The following MARCHF1 variants were observed in gnomAD, a reference collection of about 807,000 sequenced individuals.
MARCHF1 encodes the protein membrane associated ring-CH-type finger 1.
Under a neutral mutation model 54.2 loss-of-function variants are expected in MARCHF1, and 40 were observed. That is an observed-to-expected ratio of 0.74 (90% CI 0.57 to 0.96). The LOEUF (loss-of-function observed/expected upper bound fraction) is 0.96, where lower values mean the gene tolerates loss of function less well. MARCHF1 is among the 40% of genes least tolerant of loss of function. The pLI is 0.00. For missense variants in MARCHF1, 586 were observed against 656.5 expected, an observed-to-expected ratio of 0.89 and a Z score of 1.17; for synonymous variants, 236 against 236.3, an observed-to-expected ratio of 1.00 and a Z score of 0.01.
At chr4:164,224,373 A>G (rs1386115034) in intron 1 of MARCHF1, among the ~76,000 whole-genome samples, 5 of 151,870 alleles carry the variant, frequency 3.3e-5, no homozygotes, top group Non-Finnish European at 7.4e-5. Context: ...CTGACATCAA[A>G]ATGGAGTTTT....
chr4:164,174,559 G>C (rs1233900045), intron 1 of MARCHF1, among the ~76,000 whole-genome samples: 1 of 152,152 alleles, frequency 6.6e-6, no homozygotes, highest in African/African-American at 2.4e-5. Context: ...AGTTCAACCT[G>C]ATGGTTGTAT....
chr4:164,298,715 C>T (rs1276220470), intron 1 of MARCHF1, among the ~76,000 whole-genome samples: 9 of 151,854 alleles, frequency 5.9e-5, no homozygotes, highest in African/African-American at 1.9e-4. Context: ...TAATATATAC[C>T]GCTTCCATGG....
chr4:163,828,724 T>C (rs1424187865), intron 4 of MARCHF1: 1 of 152,224 alleles, frequency 6.6e-6, no homozygotes, highest in Non-Finnish European at 1.5e-5. Flanking sequence ...AAACAACATT[T>C]AAATTTCTTC....
At chr4:163,609,636 T>C (rs1483221856) in intron 7 of MARCHF1, among the ~76,000 whole-genome samples, 2 of 150,654 alleles carry the variant, frequency 1.3e-5, no homozygotes, top group Admixed American at 6.7e-5. Flanking sequence ...TATATATATA[T>C]ACGTATATAT....
intron 2 of MARCHF1, among the ~76,000 whole-genome samples, chr4:164,002,093 G>C (rs543184145): frequency 6.6e-6 from 1 of 151,726 alleles, no homozygotes; most frequent in African/African-American, 2.4e-5. Flanking sequence ...TAAAACTCAA[G>C]TAAACTGGCT....
At chr4:163,969,666 CAG>C (rs1247734506) in intron 3 of MARCHF1, among the ~76,000 whole-genome samples, 4 of 152,136 alleles carry the variant, frequency 2.6e-5, no homozygotes, top group African/African-American at 4.8e-5. Context: ...CGACATGAAA[CAG>C]AAATATATGC....
Position 164,099,665 on chromosome 4 carries a change from A to G in MARCHF1, c.-248+11923T>C, listed in dbSNP as rs191082800. Among the ~76,000 whole-genome samples the G allele has an allele frequency of 3.2e-3, 489 of 152,316 alleles. 1 individual carries two copies. Among genetic ancestry groups the G allele is most frequent in the Non-Finnish European group, 5.6e-3 (383 of 67,986 alleles). On this transcript the variant is annotated intron_variant, in intron 2 of 9. Transcript: ENST00000514618. ...GAATGTTAAAACAAATGAAATAGAA[A>G]GTCAGAGTTGTTAATTATGCGGGAA...
chr4:163,626,640 T>C (rs1016007767), intron 5 of MARCHF1, among the ~76,000 whole-genome samples: 1 of 152,088 alleles, frequency 6.6e-6, no homozygotes. Flanking sequence ...TAAAACTAGT[T>C]CTAGGGGACC....
At chr4:164,142,732 C>A (rs899229038) in intron 1 of MARCHF1, among the ~76,000 whole-genome samples, 2 of 152,318 alleles carry the variant, frequency 1.3e-5, no homozygotes, top group African/African-American at 4.8e-5. Context: ...AAAAACACAG[C>A]AGAAAAACTG....
intron 1 of MARCHF1, among the ~76,000 whole-genome samples, chr4:164,303,908 T>C (rs1055522303): frequency 2.0e-5 from 3 of 152,264 alleles, no homozygotes; most frequent in Admixed American, 6.5e-5. Flanking sequence ...ATGGGCATTA[T>C]TGGGTAATCG....
At chr4:164,213,062 G>A (rs536679335) in intron 1 of MARCHF1, among the ~76,000 whole-genome samples, 4 of 151,774 alleles carry the variant, frequency 2.6e-5, no homozygotes, top group Non-Finnish European at 4.4e-5. Flanking sequence ...ATATATTACT[G>A]CATATATATT....
chr4:164,339,070 A>G (rs1433826952), intron 1 of MARCHF1, among the ~76,000 whole-genome samples: 1 of 152,260 alleles, frequency 6.6e-6, no homozygotes, highest in African/African-American at 2.4e-5. Context: ...ACCTAAATAT[A>G]TAAATCAAAT....
intron 5 of MARCHF1, among the ~76,000 whole-genome samples, chr4:163,699,730 G>A (rs1289309158): frequency 6.6e-6 from 1 of 152,092 alleles, no homozygotes; most frequent in Non-Finnish European, 1.5e-5. Flanking sequence ...AATCCATCTT[G>A]CTTCTAATTA....
At chr4:164,209,548 C>G (rs183828749) in intron 1 of MARCHF1, among the ~76,000 whole-genome samples, 1 of 152,242 alleles carries the variant, frequency 6.6e-6, no homozygotes, top group Admixed American at 6.5e-5. Flanking sequence ...TTTGAAAATC[C>G]TGCAGTACAA....
At chr4:163,555,981 G>A (rs1467202813) in intron 8 of MARCHF1, 2 of 456,038 alleles carry the variant, frequency 4.4e-6, no homozygotes, top group South Asian at 1.6e-5. Context: ...ACACTGGGAA[G>A]ATTAAAAGAG....
intron 4 of MARCHF1, among the ~76,000 whole-genome samples, chr4:163,804,556 T>TA (rs1748173523): frequency 6.6e-6 from 1 of 152,194 alleles, no homozygotes; most frequent in Admixed American, 6.6e-5. Context: ...CAGTGGTCTA[T>TA]AAGTAAACTC....
chr4:163,897,890 A>G (rs1459906855), intron 3 of MARCHF1, among the ~76,000 whole-genome samples: 1 of 107,220 alleles, frequency 9.3e-6, no homozygotes, highest in East Asian at 2.3e-4. Context: ...CCCAGTCTCT[A>G]CTAAAAAAAA....
intron 4 of MARCHF1, among the ~76,000 whole-genome samples, chr4:163,724,971 C>T (rs1745606893): frequency 6.6e-6 from 1 of 152,120 alleles, no homozygotes; most frequent in South Asian, 2.1e-4. Flanking sequence ...GAGGCAATGC[C>T]TCGCCCTGTT....
chr4:164,106,082 G>T (rs1366505661), intron 2 of MARCHF1, among the ~76,000 whole-genome samples: 1 of 151,538 alleles, frequency 6.6e-6, no homozygotes, highest in African/African-American at 2.4e-5. Context: ...TCTCACACCA[G>T]TTAGAATGGC....
Sources: gnomAD v4.1 joint callset for allele counts (sites outside exome capture counted in the v4.1 genomes callset) on GRCh38, gnomAD v4.1.1 for gene constraint, MANE v1.5 for transcripts, NCBI Gene and HGNC (gene_info 2026-07-23, HGNC 2026-07-21) for gene names.